The following TANGO6 variants were observed in gnomAD, a reference collection of about 807,000 sequenced individuals.
TANGO6 encodes transport and golgi organization 6 homolog, also known as transport and Golgi organization protein 6 homolog.
A neutral mutation model predicts 114.2 loss-of-function variants in TANGO6; 90 were observed. That is an observed-to-expected ratio of 0.79 (90% CI 0.66 to 0.94). The LOEUF (loss-of-function observed/expected upper bound fraction) is 0.94, where lower values mean the gene tolerates loss of function less well. Ranked by LOEUF, TANGO6 falls within the 40% of genes least tolerant of loss-of-function variation. TANGO6 has a pLI of 0.00. For synonymous variants in TANGO6, 477 were observed against 509.8 expected (o/e 0.94, Z 0.87); for missense variants, 1,274 against 1,315.3 (o/e 0.97, Z 0.49).
intron 15 of TANGO6, among the ~76,000 whole-genome samples, chr16:68,996,097 A>C (rs1027061582): frequency 1.3e-5 from 2 of 152,158 alleles, no homozygotes; most frequent in African/African-American, 4.8e-5. Flanking sequence ...TCTGTTCATA[A>C]AGGGCTATGT....
At chr16:68,998,687 C>T (rs1253588745) in intron 15 of TANGO6, among the ~76,000 whole-genome samples, 3 of 149,316 alleles carry the variant, frequency 2.0e-5, no homozygotes, top group East Asian at 2.0e-4. Context: ...GCCAAGATTG[C>T]GCCACTGCGC....
chr16:68,913,126 G>A (rs1479304107), intron 11 of TANGO6, among the ~76,000 whole-genome samples: 2 of 150,870 alleles, frequency 1.3e-5, no homozygotes, highest in African/African-American at 2.4e-5. Context: ...GTTCAGTGGC[G>A]AGATCATAGC....
At chr16:68,916,963 A>T (rs1342380046) in intron 11 of TANGO6, among the ~76,000 whole-genome samples, 1 of 152,130 alleles carries the variant, frequency 6.6e-6, no homozygotes, top group Non-Finnish European at 1.5e-5. Context: ...GGTGTTGTAC[A>T]GCCTATGGAT....
intron 17 of TANGO6, among the ~76,000 whole-genome samples, chr16:69,078,618 T>C (rs1691329607): frequency 1.3e-5 from 2 of 152,236 alleles, no homozygotes; most frequent in South Asian, 2.1e-4. Context: ...TATCTTCTTA[T>C]TCATCCCCAC....
intron 15 of TANGO6, among the ~76,000 whole-genome samples, chr16:69,006,148 G>T (rs1171224833): frequency 6.6e-6 from 1 of 152,142 alleles, no homozygotes; most frequent in Admixed American, 6.5e-5. Flanking sequence ...TTGGCTGGTG[G>T]TGCAGGCAGA....
chr16:68,930,194 T>C, intron 13 of TANGO6, 44 bp from the exon 14 acceptor site: 1 of 1,521,784 alleles, frequency 6.6e-7, no homozygotes, highest in African/African-American at 1.4e-5. Context: ...TAAATCTTCC[T>C]TGTTCTTTGT....
At chr16:68,893,877 G>A (rs1962667336) in intron 7 of TANGO6, among the ~76,000 whole-genome samples, 1 of 147,206 alleles carries the variant, frequency 6.8e-6, no homozygotes, top group South Asian at 2.2e-4. Flanking sequence ...CCCCCGCCCC[G>A]CCCCAACTAG....
chr16:69,034,685 G>A (rs1196782571), intron 16 of TANGO6: 2 of 152,196 alleles, frequency 1.3e-5, no homozygotes, highest in East Asian at 3.8e-4. Context: ...GGCATCTGAA[G>A]AAAGTTATCC....
chr16:69,072,122 C>CGTGTGT (rs10687062), intron 17 of TANGO6, among the ~76,000 whole-genome samples: 3,746 of 116,446 alleles, frequency 0.032, 153 homozygotes, highest in African/African-American at 0.056. Flanking sequence ...AGAGGGAGAC[C>CGTGTGT]GTGTGTGTGT....
intron 13 of TANGO6, among the ~76,000 whole-genome samples, chr16:68,929,582 G>A (rs1352992269): frequency 2.6e-5 from 4 of 152,236 alleles, no homozygotes; most frequent in Middle Eastern, 3.4e-3. Context: ...AGACACTTCC[G>A]TCTTCCTTTC....
At chr16:68,913,512 G>A (rs957675745) in intron 11 of TANGO6, among the ~76,000 whole-genome samples, 28 of 149,438 alleles carry the variant, frequency 1.9e-4, no homozygotes, top group African/African-American at 6.7e-4. Context: ...GGGTTGAAGC[G>A]ATTCTTGTGC....
At chr16:68,899,286 G>A (rs1167580554) in intron 7 of TANGO6, among the ~76,000 whole-genome samples, 1 of 151,794 alleles carries the variant, frequency 6.6e-6, no homozygotes, top group Non-Finnish European at 1.5e-5. Flanking sequence ...ATAATAATAG[G>A]TTTACTTTTT....
rs574515816 is a variant in TANGO6 at position 69,032,217 on chromosome 16, G to A, written c.2995-8091G>A. Among the ~76,000 whole-genome samples, 7 of 152,170 alleles carry A rather than the reference G, an allele frequency of 4.6e-5. No individual in the cohort carries two copies. In the South Asian group the frequency reaches 6.2e-4, roughly 14 times the overall value. On this transcript the variant is annotated intron_variant, in intron 16 of 17. Coordinates refer to ENST00000261778, the MANE Select transcript of TANGO6 (RefSeq NM_024562.2). The stretch of plus-strand genomic sequence containing the variant: ...TGTGAATGAGATGGGAAGCCAGGGC[G>A]GAAGAATGAAATGATCTAACTTCAT...
At chr16:68,883,030 T>C (rs937124778) in intron 7 of TANGO6, among the ~76,000 whole-genome samples, 1 of 151,406 alleles carries the variant, frequency 6.6e-6, no homozygotes, top group Admixed American at 6.6e-5. Flanking sequence ...AATAAATAAA[T>C]AAATAAAAAT....
chr16:68,949,336 C>G (rs922264584), intron 14 of TANGO6, among the ~76,000 whole-genome samples: 1 of 151,374 alleles, frequency 6.6e-6, no homozygotes, highest in African/African-American at 2.4e-5. Context: ...AATAGCTTAC[C>G]TTGGCCAGGC....
chr16:69,022,043 G>C (rs920057146), intron 15 of TANGO6, among the ~76,000 whole-genome samples: 6 of 151,562 alleles, frequency 4.0e-5, no homozygotes, highest in African/African-American at 1.5e-4. Flanking sequence ...CCGCCACCAC[G>C]CCCGGCTAAT....
At chr16:68,980,435 A>ATATATATTTTT (rs1317961639) in intron 15 of TANGO6, among the ~76,000 whole-genome samples, 4 of 61,772 alleles carry the variant, frequency 6.5e-5, no homozygotes, top group Non-Finnish European at 5.9e-5. Context: ...ATATATATAT[A>ATATATATTTTT]TTTTTTTTTT....
At chr16:68,913,058 T>G in intron 11 of TANGO6, among the ~76,000 whole-genome samples, 1 of 141,482 alleles carries the variant, frequency 7.1e-6, no homozygotes, top group African/African-American at 2.7e-5. Context: ...CCAGCCTGAG[T>G]GACAGAGTGA....
chr16:68,973,808 C>G, intron 14 of TANGO6: 2 of 562,186 alleles, frequency 3.6e-6, no homozygotes, highest in South Asian at 2.1e-5. Flanking sequence ...CCTTAGAGAT[C>G]GTATCAGGCT....
Sources: allele counts gnomAD v4.1 joint callset (sites outside exome capture counted in the v4.1 genomes callset), GRCh38; gene constraint gnomAD v4.1.1; transcripts MANE v1.5; gene names NCBI Gene and HGNC (gene_info 2026-07-23, HGNC 2026-07-21).